The following LMNB1 variants were observed in gnomAD, a reference collection of about 807,000 sequenced individuals.
LMNB1 encodes lamin B1.
In LMNB1, 23 loss-of-function variants were observed where a neutral mutation model predicts 67.1. The observed-to-expected ratio is 0.34, with a 90% CI of 0.25 to 0.49. The LOEUF (loss-of-function observed/expected upper bound fraction) is 0.49, where lower values mean the gene tolerates loss of function less well. LMNB1 is among the 20% of genes least tolerant of loss of function. The probability of loss-of-function intolerance (pLI) is 0.99; values close to 1 mark genes in which losing one functional copy is unlikely to be tolerated. For synonymous variants in LMNB1, 281 were observed against 282.9 expected, an observed-to-expected ratio of 0.99 and a Z score of 0.07; for missense variants, 634 against 746.5, an observed-to-expected ratio of 0.85 and a Z score of 1.76.
intron 9 of LMNB1, among the ~76,000 whole-genome samples, chr5:126,827,132 G>A (rs1580556376): frequency 6.6e-6 from 1 of 151,792 alleles, no homozygotes; most frequent in Non-Finnish European, 1.5e-5. Flanking sequence ...AGATATATAG[G>A]GGGAATGTTA....
chr5:126,807,147 C>T (rs1283215427), intron 3 of LMNB1, among the ~76,000 whole-genome samples: 3 of 152,048 alleles, frequency 2.0e-5, no homozygotes, highest in African/African-American at 4.8e-5. Context: ...GGGGCAAAAC[C>T]GTTGTCAAAC....
Position 126,822,707 on chromosome 5 carries a change from A to C in LMNB1, c.1387-74A>C, listed in dbSNP as rs1288698695. 49 of 896,596 alleles carry C rather than the reference A, an allele frequency of 5.5e-5. No individual in the cohort carries two copies. In the East Asian group the frequency reaches 1.2e-3, roughly 22 times the overall value. 55.5% of individuals were successfully genotyped at this position (896,596 alleles called of 1,614,324 possible). On this transcript the variant is annotated intron_variant, in intron 7 of 10. Coordinates refer to ENST00000261366, the MANE Select transcript of LMNB1 (RefSeq NM_005573.4). ...GGTCTTAGTTTAACTGCCTGTATGG[A>C]TTAATTTATTTGATTATTCCACAAC... is the stretch of plus-strand genomic sequence containing the variant.
At chr5:126,802,777 AC>A (rs1751317071) in intron 1 of LMNB1, among the ~76,000 whole-genome samples, 1 of 152,168 alleles carries the variant, frequency 6.6e-6, no homozygotes, top group East Asian at 1.9e-4. Flanking sequence ...CTGTGTAACT[AC>A]TGTTAATAAT....
intron 1 of LMNB1, among the ~76,000 whole-genome samples, chr5:126,794,191 C>CT (rs2112938379): frequency 6.6e-6 from 1 of 152,272 alleles, no homozygotes; most frequent in Non-Finnish European, 1.5e-5. Flanking sequence ...CCCTATAGTA[C>CT]TGGGATTACA....
Position 126,777,494 on chromosome 5 carries a change from T to A in LMNB1, c.-15T>A. ...CGCTCGCGGCCTCGCCGCCCCGCTGTCTCCGCCGCCCGCCATGGCGACTGC... is the reference window on the plus strand; with the variant it reads ...CGCTCGCGGCCTCGCCGCCCCGCTGACTCCGCCGCCCGCCATGGCGACTGC... On this transcript the variant is annotated 5_prime_UTR_variant, in exon 1 of 11. Coordinates refer to ENST00000261366, the MANE Select transcript of LMNB1 (RefSeq NM_005573.4). 1 of 1,320,830 alleles carries A rather than the reference T, an allele frequency of 7.6e-7. No homozygotes were observed. Among genetic ancestry groups the A allele is most frequent in the Non-Finnish European group, 9.6e-7 (1 of 1,038,422 alleles). The allele number at this position is 1,320,830 out of a possible 1,614,324, so 81.8% of individuals were successfully genotyped here. A position where few individuals can be genotyped will look rare whatever the true frequency, so the allele number is the denominator to read the frequency against.
At position 126,821,634 on chromosome 5, in the gene LMNB1, T is replaced by C. The variant is rs376820217; in HGVS notation, c.1386+499T>C. Among the ~76,000 whole-genome samples the C allele has an allele frequency of 3.3e-5, 5 of 152,216 alleles. No homozygotes were observed. In the East Asian group the frequency reaches 9.6e-4, roughly 29 times the overall value. On this transcript the variant is annotated intron_variant, in intron 7 of 10. Transcript: ENST00000261366. ...CATGAAAAATAGCATGAAGCCTTAT[T>C]TTGAAATATGTTTAAAAGTAAACAT...
intron 5 of LMNB1, among the ~76,000 whole-genome samples, chr5:126,813,327 C>A (rs1471224791): frequency 6.6e-6 from 1 of 152,214 alleles, no homozygotes; most frequent in Non-Finnish European, 1.5e-5. Context: ...CCTCTGAGTT[C>A]ATTCCATGTA....
chr5:126,817,992 T>C (rs1332732952), intron 5 of LMNB1, among the ~76,000 whole-genome samples: 1 of 152,190 alleles, frequency 6.6e-6, no homozygotes, highest in Non-Finnish European at 1.5e-5. Flanking sequence ...TGTGTGATTT[T>C]TAATTTTTTT....
In LMNB1 at chr5:126,805,704, TATATAATTTTGC is replaced by T. The variant is rs1390308176; in HGVS notation, c.642+9_642+20del. The T allele has an allele frequency of 6.3e-7, 1 of 1,593,416 alleles. No homozygotes were observed. Among genetic ancestry groups the T allele is most frequent in the East Asian group, 2.2e-5 (1 of 44,684 alleles). On this transcript the variant is annotated intron_variant, in intron 3 of 10. Coordinates refer to ENST00000261366, the MANE Select transcript of LMNB1 (RefSeq NM_005573.4). ...AAAAGCATGTATGAAGAGGTAACTA[TATATAATTTTGC>T]TTTGTAAAGGAATGGAGGGGTTCTA...
In LMNB1 at chr5:126,836,539, ATG is replaced by A. The variant is rs1233249575; in HGVS notation, c.*281_*282del. 8.5e-6 allele frequency: 3 copies of A among 354,438 alleles called. No individual in the cohort carries two copies. Among genetic ancestry groups the A allele is most frequent in the South Asian group, 1.2e-4 (1 of 8,258 alleles). The allele number at this position is 354,438 out of a possible 1,614,324, so 22.0% of individuals were successfully genotyped here. On this transcript the variant is annotated 3_prime_UTR_variant, in exon 11 of 11. Coordinates refer to ENST00000261366, the MANE Select transcript of LMNB1 (RefSeq NM_005573.4). ...CCTCAAATTTTTTGACTTTTTTTGTATGTGTGTTTTTTCTTTTTTTTTAAGTT... is the reference window on the plus strand; with the variant it reads ...CCTCAAATTTTTTGACTTTTTTTGTATGTGTTTTTTCTTTTTTTTTAAGTT...
At position 126,820,914 on chromosome 5, in the gene LMNB1, A is replaced by T; in HGVS notation, c.1165A>T (p.Lys389Ter). ...TGTTTTATTTTTCCCATATAGGTTG[A>T]AGCTGTCTCCAAGCCCTTCTTCCCG... ...KLLEGEEERL[K>*]LSPSPSSRVT... is the part of the protein sequence containing the mutation. Residue 389 changes from lysine (K) to a stop codon, truncating the protein, a stop_gained, in exon 7 of 11, where the codon AAG becomes TAG. Coordinates refer to ENST00000261366, the MANE Select transcript of LMNB1 (RefSeq NM_005573.4). LOFTEE classifies it high-confidence loss of function. 6.2e-7 allele frequency: 1 copy of T among 1,612,008 alleles called. No individual in the cohort carries two copies. Among genetic ancestry groups the T allele is most frequent in the Non-Finnish European group, 8.5e-7 (1 of 1,178,356 alleles).
intron 1 of LMNB1, among the ~76,000 whole-genome samples, chr5:126,800,323 T>A (rs1751238650): frequency 6.6e-6 from 1 of 152,128 alleles, no homozygotes; most frequent in Non-Finnish European, 1.5e-5. Context: ...GTACATGATT[T>A]TTTTCTGCTA....
chr5:126,798,366 C>T (rs778352038), intron 1 of LMNB1, among the ~76,000 whole-genome samples: 12 of 152,150 alleles, frequency 7.9e-5, no homozygotes, highest in South Asian at 2.1e-4. Flanking sequence ...AGGTGAATGG[C>T]GTGAACCCAG....
intron 1 of LMNB1, among the ~76,000 whole-genome samples, chr5:126,786,036 G>GA (rs944323726): frequency 2.0e-4 from 28 of 141,642 alleles, no homozygotes; most frequent in Non-Finnish European, 2.3e-4. Context: ...AAAGATGCAG[G>GA]AAAAAAAAAA....
At chr5:126,782,750 A>G (rs1035824910) in intron 1 of LMNB1, among the ~76,000 whole-genome samples, 6 of 151,778 alleles carry the variant, frequency 4.0e-5, no homozygotes, top group Non-Finnish European at 7.4e-5. Context: ...AGGTTTCACC[A>G]TGTTGGCCAG....
intron 5 of LMNB1, among the ~76,000 whole-genome samples, chr5:126,814,453 A>G (rs769027298): frequency 2.6e-5 from 4 of 151,874 alleles, no homozygotes; most frequent in Non-Finnish European, 5.9e-5. Flanking sequence ...AATAAGTAGT[A>G]GTGGGCTCTG....
chr5:126,825,800 G>C lies in LMNB1; in HGVS notation c.1492-188G>C, dbSNP rs1469744716. On this transcript the variant is annotated intron_variant, in intron 8 of 10. Transcript: ENST00000261366. ...TATATATTATCATCTTCACTTATCA[G>C]ATGGGGAAGCTGAGGCCTTGAGAAG... Among the ~76,000 whole-genome samples, 7 of 152,140 alleles carry C rather than the reference G, an allele frequency of 4.6e-5. No individual in the cohort carries two copies. The East Asian group carries it at 7.7e-4, about 17-fold the overall frequency.
At chr5:126,809,192 T>C (rs912029589) in intron 3 of LMNB1, among the ~76,000 whole-genome samples, 1 of 152,186 alleles carries the variant, frequency 6.6e-6, no homozygotes, top group African/African-American at 2.4e-5. Flanking sequence ...CTAATTTTAT[T>C]TAGACACTTC....
At chr5:126,824,601 A>G (rs1263912291) in intron 8 of LMNB1, among the ~76,000 whole-genome samples, 3 of 152,228 alleles carry the variant, frequency 2.0e-5, no homozygotes, top group Non-Finnish European at 4.4e-5. Flanking sequence ...TAAATCAACT[A>G]TGTGATTACA....
Sources: gnomAD v4.1 joint callset for allele counts (sites outside exome capture counted in the v4.1 genomes callset) on GRCh38, gnomAD v4.1.1 for gene constraint, MANE v1.5 for transcripts, NCBI Gene and HGNC (gene_info 2026-07-23, HGNC 2026-07-21) for gene names.